Variants in HPGDS observed in about 807,000 individuals in gnomAD.
HPGDS encodes the protein GST class-sigma.
HPGDS carries 26 observed loss-of-function variants against 23.1 expected under a neutral mutation model. The observed-to-expected ratio is 1.13, with a 90% CI of 0.83 to 1.56. HPGDS has a LOEUF of 1.56. Among genes scored for constraint, HPGDS ranks in the 40% most tolerant of loss-of-function variants. HPGDS has a pLI of 0.00. For missense variants in HPGDS, 268 were observed against 236.4 expected, an observed-to-expected ratio of 1.13 and a Z score of -0.88; for synonymous variants, 95 against 77.9, an observed-to-expected ratio of 1.22 and a Z score of -1.16.
chr4:94,302,314 G>A, intron 4 of HPGDS, 70 bp from the exon 5 acceptor site: 4 of 1,024,894 alleles, frequency 3.9e-6, no homozygotes, highest in Non-Finnish European at 6.0e-6. Flanking sequence ...GGAGGAAGTA[G>A]ATTTCTCCAT....
rs1296554871 is a variant in HPGDS at position 94,321,133 on chromosome 4, G to T, written c.134-3168C>A. Among the ~76,000 whole-genome samples, 6 of 152,204 alleles carry T rather than the reference G, an allele frequency of 3.9e-5. No individual in the cohort carries two copies. In the East Asian group the frequency reaches 1.2e-3, roughly 29 times the overall value. On this transcript the variant is annotated intron_variant, in intron 2 of 5. Transcript: ENST00000295256. ...TTCCATTGGTCTATATCTCTGTTTTGGTACCAGTACCATGCTGTTTTGGTT... is the reference window on the plus strand; with the variant it reads ...TTCCATTGGTCTATATCTCTGTTTTTGTACCAGTACCATGCTGTTTTGGTT...
chr4:94,309,986 T>C (rs1458551735), intron 3 of HPGDS, among the ~76,000 whole-genome samples: 1 of 152,258 alleles, frequency 6.6e-6, no homozygotes, highest in Non-Finnish European at 1.5e-5. Flanking sequence ...TGTTTGCTTT[T>C]TTCATGCAAA....
intron 4 of HPGDS, among the ~76,000 whole-genome samples, chr4:94,305,844 A>G (rs1415467792): frequency 1.3e-5 from 2 of 152,054 alleles, no homozygotes; most frequent in Non-Finnish European, 2.9e-5. Flanking sequence ...GCAATTGTAT[A>G]CCTAGGTGAT....
At chr4:94,311,251 C>T (rs1489180771) in intron 3 of HPGDS, among the ~76,000 whole-genome samples, 2 of 151,912 alleles carry the variant, frequency 1.3e-5, no homozygotes. Context: ...TTTGCCCATT[C>T]AGTATGATAT....
intron 1 of HPGDS, among the ~76,000 whole-genome samples, chr4:94,342,026 G>A (rs920747677): frequency 6.6e-6 from 1 of 152,184 alleles, no homozygotes; most frequent in Non-Finnish European, 1.5e-5. Flanking sequence ...TTGCCAGGTT[G>A]GAGTTAAATT....
intron 4 of HPGDS, among the ~76,000 whole-genome samples, chr4:94,304,754 G>GT (rs944068337): frequency 2.6e-5 from 4 of 151,964 alleles, no homozygotes; most frequent in East Asian, 1.9e-4. Context: ...CTTTGAAATT[G>GT]TTTTTTTGGA....
At chr4:94,314,751 G>A (rs992330277) in intron 3 of HPGDS, among the ~76,000 whole-genome samples, 15 of 152,194 alleles carry the variant, frequency 9.9e-5, no homozygotes, top group African/African-American at 3.6e-4. Flanking sequence ...AGTCTACGGA[G>A]GCAGGCAGGC....
At chr4:94,306,013 C>G (rs1308848384) in intron 4 of HPGDS, among the ~76,000 whole-genome samples, 2 of 152,026 alleles carry the variant, frequency 1.3e-5, no homozygotes, top group African/African-American at 4.8e-5. Context: ...GGAGGGCTGA[C>G]TGAGATAACA....
At chr4:94,309,617 T>A (rs1756218501) in intron 3 of HPGDS, among the ~76,000 whole-genome samples, 1 of 152,152 alleles carries the variant, frequency 6.6e-6, no homozygotes, top group Admixed American at 6.5e-5. Context: ...TATAGCAGCA[T>A]GATTTATAAT....
chr4:94,298,807 C>T lies in HPGDS; in HGVS notation c.*673G>A, dbSNP rs958593369. On this transcript the variant is annotated 3_prime_UTR_variant, in exon 6 of 6. Coordinates refer to ENST00000295256, the MANE Select transcript of HPGDS (RefSeq NM_014485.3). ...AGATTCCCACAGTCAGCTCTTTTCT[C>T]GATAACTCTTTATATTCAGTTTGAA... The T allele has an allele frequency of 2.6e-5, 4 of 152,162 alleles. No homozygotes were observed. Among genetic ancestry groups the T allele is most frequent in the South Asian group, 2.1e-4 (1 of 4,820 alleles). 9.4% of individuals were successfully genotyped at this position (152,162 alleles called of 1,614,324 possible).
At chr4:94,301,032 T>G (rs1756030727) in intron 5 of HPGDS, among the ~76,000 whole-genome samples, 1 of 152,018 alleles carries the variant, frequency 6.6e-6, no homozygotes, top group African/African-American at 2.4e-5. Flanking sequence ...TCTTAGAAAT[T>G]TTTCAATAGG....
intron 3 of HPGDS, among the ~76,000 whole-genome samples, chr4:94,308,994 C>T (rs1281899774): frequency 6.7e-6 from 1 of 148,856 alleles, no homozygotes; most frequent in Non-Finnish European, 1.5e-5. Flanking sequence ...AGATATGCTT[C>T]CTCATCCCAT....
chr4:94,318,072 T>G (rs1254834365), intron 2 of HPGDS, 107 bp from the exon 3 acceptor site: 1 of 671,922 alleles, frequency 1.5e-6, no homozygotes, highest in Non-Finnish European at 2.6e-6. Context: ...TATGGAATCA[T>G]GAAATTCTTA....
intron 2 of HPGDS, among the ~76,000 whole-genome samples, chr4:94,327,066 T>C (rs1413299715): frequency 1.4e-4 from 22 of 152,196 alleles, no homozygotes; most frequent in African/African-American, 5.1e-4. Context: ...GGATGCCAAG[T>C]GGACTCATCC....
intron 3 of HPGDS, among the ~76,000 whole-genome samples, chr4:94,312,102 T>G (rs945760601): frequency 4.6e-5 from 7 of 152,168 alleles, no homozygotes; most frequent in African/African-American, 1.7e-4. Context: ...CCTGGATTCA[T>G]TGATTTTTTG....
rs1755974197 is a variant in HPGDS, at chr4:94,298,741, A to G, written c.*739T>C. ...TCATGTCAGTAAATTCATCTTTACA[A>G]GTTTCTCTGGCTGCATATCTAGAGC... On this transcript the variant is annotated 3_prime_UTR_variant, in exon 6 of 6. Transcript: ENST00000295256. The G allele has an allele frequency of 6.6e-6, 1 of 152,282 alleles. No homozygotes were observed. The highest frequency in any genetic ancestry group is 3.4e-3 in the Middle Eastern group (1 of 294). The allele number at this position is 152,282 out of a possible 1,614,324, so 9.4% of individuals were successfully genotyped here.
At chr4:94,324,450 T>C (rs1279216538) in intron 2 of HPGDS, among the ~76,000 whole-genome samples, 1 of 152,172 alleles carries the variant, frequency 6.6e-6, no homozygotes, top group Non-Finnish European at 1.5e-5. Flanking sequence ...GGAGACTTTG[T>C]TCATTTCTTT....
At chr4:94,309,050 CTTTTTTTTTTT>C (rs34427506) in intron 3 of HPGDS, among the ~76,000 whole-genome samples, 5 of 31,014 alleles carry the variant, frequency 1.6e-4, no homozygotes, top group African/African-American at 3.8e-4. Flanking sequence ...GGTGTACTTG[CTTTTTTTTTTT>C]TTTTTTTTTT....
intron 2 of HPGDS, among the ~76,000 whole-genome samples, chr4:94,323,377 T>C (rs1756557509): frequency 6.6e-6 from 1 of 152,134 alleles, no homozygotes; most frequent in South Asian, 2.1e-4. Context: ...AAGTCTCCCA[T>C]TATTATTGTG....
Sources: allele counts gnomAD v4.1 joint callset (sites outside exome capture counted in the v4.1 genomes callset), GRCh38; gene constraint gnomAD v4.1.1; transcripts MANE v1.5; gene names NCBI Gene and HGNC (gene_info 2026-07-23, HGNC 2026-07-21).